ACVR1: variants seen among roughly 807,000 people sequenced by gnomAD.
ACVR1 encodes the protein activin receptor type-1.
In ACVR1, 38 loss-of-function variants were observed where a neutral mutation model predicts 57.1. The ratio of observed to expected loss-of-function variants is 0.67; its 90% CI spans 0.51 to 0.87. ACVR1 has a LOEUF of 0.87. ACVR1 is among the 40% of genes least tolerant of loss of function. The pLI is 0.00. For missense variants in ACVR1, 463 were observed against 638.2 expected (o/e 0.73, Z 2.96); for synonymous variants, 212 against 228.1 (o/e 0.93, Z 0.63).
chr2:157,737,554 C>T lies in ACVR1; in HGVS notation c.1507G>A (p.Asp503Asn), dbSNP rs769751827. ...KTLTKIDNSLDKLKTDC is the reference protein window; with the variant it reads ...KTLTKIDNSLNKLKTDC ...TGTCAACAGTCAGTTTTCAATTTGT[C>T]GAGGGAATTATCAATTTTGGTCAAA... Residue 503 changes from aspartate (D) to asparagine (N), a missense_variant, in exon 11 of 11, where the codon GAC (aspartate) becomes AAC (asparagine). By Grantham distance (23) the Asp-to-Asn change is conservative. Coordinates refer to ENST00000434821, the MANE Select transcript of ACVR1 (RefSeq NM_001111067.4). 5.0e-6 allele frequency: 8 copies of T among 1,614,002 alleles called. No homozygotes were observed. The highest frequency in any genetic ancestry group is 1.1e-5 in the South Asian group (1 of 91,074).
At chr2:157,787,285 A>G (rs1317688075) in intron 3 of ACVR1, among the ~76,000 whole-genome samples, 4 of 152,202 alleles carry the variant, frequency 2.6e-5, no homozygotes, top group African/African-American at 7.2e-5. Flanking sequence ...CAAATACAGC[A>G]TATTAAGGAG....
chr2:157,793,382 C>T (rs1015605117), intron 3 of ACVR1, among the ~76,000 whole-genome samples: 3 of 152,060 alleles, frequency 2.0e-5, no homozygotes, highest in African/African-American at 7.2e-5. Context: ...AAGAATGTGG[C>T]ACTAGTTTAA....
At chr2:157,747,161 A>G (rs1217751990) in intron 9 of ACVR1, among the ~76,000 whole-genome samples, 1 of 152,204 alleles carries the variant, frequency 6.6e-6, no homozygotes, top group Admixed American at 6.5e-5. Context: ...ATATGCAATA[A>G]TTTCAAAAAT....
intron 1 of ACVR1, among the ~76,000 whole-genome samples, chr2:157,827,570 A>T (rs897837211): frequency 3.9e-5 from 6 of 152,300 alleles, no homozygotes; most frequent in Admixed American, 6.5e-5. Flanking sequence ...CTTATCTCTG[A>T]TTGTGTAATA....
chr2:157,869,746 C>A (rs1370621552), intron 1 of ACVR1, among the ~76,000 whole-genome samples: 1 of 152,158 alleles, frequency 6.6e-6, no homozygotes, highest in Non-Finnish European at 1.5e-5. Context: ...GTTCTTGCCA[C>A]CTATTGTTCA....
At chr2:157,840,088 T>C (rs1489073584) in intron 1 of ACVR1, among the ~76,000 whole-genome samples, 1 of 152,138 alleles carries the variant, frequency 6.6e-6, no homozygotes, top group Non-Finnish European at 1.5e-5. Flanking sequence ...GAAAAGAAAG[T>C]GTGATTTTCT....
At chr2:157,833,270 G>T (rs1574125953) in intron 1 of ACVR1, among the ~76,000 whole-genome samples, 1 of 152,154 alleles carries the variant, frequency 6.6e-6, no homozygotes, top group Non-Finnish European at 1.5e-5. Flanking sequence ...TGTATATCCT[G>T]ATGTCCAGCA....
At chr2:157,813,769 A>T (rs1183907025) in intron 2 of ACVR1, among the ~76,000 whole-genome samples, 1 of 152,212 alleles carries the variant, frequency 6.6e-6, no homozygotes, top group East Asian at 1.9e-4. Context: ...GTGTTCTTTG[A>T]ACCATAGCAT....
intron 3 of ACVR1, 107 bp downstream of exon 3, chr2:157,799,320 T>C (rs1687238564): frequency 6.7e-6 from 5 of 741,856 alleles, no homozygotes; most frequent in South Asian, 1.6e-5. Flanking sequence ...ATATTTATTA[T>C]AAAAAGAGTG....
chr2:157,859,501 T>C (rs1689651483), intron 1 of ACVR1, among the ~76,000 whole-genome samples: 1 of 152,216 alleles, frequency 6.6e-6, no homozygotes, highest in Admixed American at 6.5e-5. Context: ...CTCTATGGAC[T>C]CGCCTCCAAT....
At chr2:157,755,733 T>C (rs1206944498) in intron 9 of ACVR1, among the ~76,000 whole-genome samples, 1 of 152,064 alleles carries the variant, frequency 6.6e-6, no homozygotes, top group Non-Finnish European at 1.5e-5. Context: ...AAAGTAACCA[T>C]AATGCCAAAA....
intron 9 of ACVR1, among the ~76,000 whole-genome samples, chr2:157,745,935 C>T (rs1684950333): frequency 6.6e-6 from 1 of 152,176 alleles, no homozygotes; most frequent in South Asian, 2.1e-4. Context: ...CAAATATAAG[C>T]TTATTCTAAC....
At chr2:157,816,821 T>A (rs1687955489) in intron 2 of ACVR1, among the ~76,000 whole-genome samples, 1 of 152,134 alleles carries the variant, frequency 6.6e-6, no homozygotes, top group African/African-American at 2.4e-5. Context: ...AAATGTTAAA[T>A]TCAGAAAGAC....
At chr2:157,828,105 T>C (rs1688453135) in intron 1 of ACVR1, among the ~76,000 whole-genome samples, 1 of 152,032 alleles carries the variant, frequency 6.6e-6, no homozygotes, top group Non-Finnish European at 1.5e-5. Context: ...GGCGGATTGC[T>C]TGAGCCCAGG....
intron 2 of ACVR1, among the ~76,000 whole-genome samples, chr2:157,809,341 G>C (rs1687667346): frequency 6.6e-6 from 1 of 152,138 alleles, no homozygotes; most frequent in Non-Finnish European, 1.5e-5. Flanking sequence ...GCTTTTGCCA[G>C]TCAAGCAGCT....
At chr2:157,829,092 C>A (rs1240722432) in intron 1 of ACVR1, among the ~76,000 whole-genome samples, 1 of 152,134 alleles carries the variant, frequency 6.6e-6, no homozygotes, top group Non-Finnish European at 1.5e-5. Flanking sequence ...ATTTAATTTG[C>A]TCACCAATCA....
At position 157,876,143 on chromosome 2, in the gene ACVR1, G is replaced by A. The variant is rs1690287856; in HGVS notation, c.-530C>T. Among the ~76,000 whole-genome samples, 1 of 150,238 alleles carries A rather than the reference G, an allele frequency of 6.7e-6. No homozygotes were observed. Among genetic ancestry groups the A allele is most frequent in the African/African-American group, 2.4e-5 (1 of 40,948 alleles). On this transcript the variant is annotated 5_prime_UTR_variant, in exon 1 of 11. Transcript: ENST00000434821. ...GAGGCGGGGTGAAGAGGAGGAGGAA[G>A]GGGAGGAGGGCGGGCAGAATAAACT...
chr2:157,743,703 T>C (rs1684862051), intron 9 of ACVR1, among the ~76,000 whole-genome samples: 1 of 150,040 alleles, frequency 6.7e-6, no homozygotes, highest in Non-Finnish European at 1.5e-5. Context: ...TCACACTAGA[T>C]GGAATAAATA....
intron 2 of ACVR1, among the ~76,000 whole-genome samples, chr2:157,809,315 A>G (rs1687666806): frequency 6.6e-6 from 1 of 152,180 alleles, no homozygotes; most frequent in Non-Finnish European, 1.5e-5. Context: ...TTCTCTCACA[A>G]TTTAGCTTGA....
Sources: allele counts gnomAD v4.1 joint callset (sites outside exome capture counted in the v4.1 genomes callset), GRCh38; gene constraint gnomAD v4.1.1; transcripts MANE v1.5; gene names NCBI Gene and HGNC (gene_info 2026-07-23, HGNC 2026-07-21).